The following MMAB variants were observed in gnomAD, a reference collection of about 807,000 sequenced individuals.
MMAB encodes the protein metabolism of cobalamin associated B.
In MMAB, 17 loss-of-function variants were observed where a neutral mutation model predicts 30.6. The ratio of observed to expected loss-of-function variants is 0.56; its 90% confidence interval spans 0.38 to 0.83. The LOEUF (loss-of-function observed/expected upper bound fraction) is 0.83, where lower values mean the gene tolerates loss of function less well. Among genes scored for constraint, MMAB ranks in the 40% least tolerant of loss-of-function variants. The pLI, the probability that MMAB is intolerant of heterozygous loss-of-function variation, is 0.00. For synonymous variants in MMAB, 134 were observed against 138.6 expected, an observed-to-expected ratio of 0.97 and a Z score of 0.23; for missense variants, 311 against 331.6, an observed-to-expected ratio of 0.94 and a Z score of 0.48.
In MMAB at chr12:109,556,347, A is replaced by G. The variant is rs1301873855; in HGVS notation, c.*681T>C. 2.2e-6 allele frequency: 1 copy of G among 453,814 alleles called. No homozygotes were observed. The highest frequency in any genetic ancestry group is 4.4e-6 in the Non-Finnish European group (1 of 226,664). The allele number at this position is 453,814 out of a possible 1,614,324, so 28.1% of individuals were successfully genotyped here. ...ACCTTCAAGTGGTAGTGTTGTTCTC[A>G]TCAGCATCTCCATCCCTTTCAGAGG... On this transcript the variant is annotated 3_prime_UTR_variant, in exon 9 of 9. Transcript: ENST00000545712.
At chr12:109,563,589 C>T (rs1333332420) in intron 4 of MMAB, among the ~76,000 whole-genome samples, 1 of 152,230 alleles carries the variant, frequency 6.6e-6, no homozygotes, top group Admixed American at 6.5e-5. Flanking sequence ...GTGCCTAACC[C>T]AGCTGGAGAT....
rs1884185024 is a variant in MMAB at position 109,561,191 on chromosome 12, C to G, written c.520-87G>C. The G allele has an allele frequency of 1.3e-6, 2 of 1,595,956 alleles. No homozygotes were observed. The highest frequency in any genetic ancestry group is 1.7e-6 in the Non-Finnish European group (2 of 1,176,694). On this transcript the variant is annotated intron_variant, in intron 6 of 8. Coordinates refer to ENST00000545712, the MANE Select transcript of MMAB (RefSeq NM_052845.4). This position sits in a 1 kb window ranked among gnomAD's most constrained non-coding sequence, Gnocchi z 5.3. ...AGCTCCTCTGAAGTCCAGCCCTGCCCCCCAAACCGGGCAGTGTTCTGCCTC... is the reference window on the plus strand; with the variant it reads ...AGCTCCTCTGAAGTCCAGCCCTGCCGCCCAAACCGGGCAGTGTTCTGCCTC...
chr12:109,567,085 G>A (rs574908717), intron 3 of MMAB: 3 of 454,866 alleles, frequency 6.6e-6, no homozygotes, highest in African/African-American at 2.0e-5. Context: ...GAGGAGACTC[G>A]CTTGAACCCG....
intron 1 of MMAB, 117 bp from the exon 2 acceptor site, chr12:109,571,827 C>T: frequency 1.3e-6 from 1 of 797,270 alleles, no homozygotes; most frequent in African/African-American, 1.7e-5. Flanking sequence ...TTACCCCTTA[C>T]TGCTTAGATG....
rs34507867 is a variant in MMAB, at chr12:109,555,449, ATTTTTTT to A, written c.*1572_*1578del. 7.2e-5 allele frequency: 23 copies of A among 318,526 alleles called. No homozygotes were observed. Among genetic ancestry groups the A allele is most frequent in the African/African-American group, 1.2e-4 (4 of 33,024 alleles). 19.7% of individuals were successfully genotyped at this position (318,526 alleles called of 1,614,324 possible). ...AGGCACCCGCCACCATGCCCAGCTA[ATTTTTTT>A]TTTTTTTTTTTTTTTTTAGCAGAAA... On this transcript the variant is annotated 3_prime_UTR_variant, in exon 9 of 9. Transcript: ENST00000545712.
intron 7 of MMAB, 66 bp downstream of exon 7, chr12:109,560,974 C>G: frequency 3.8e-6 from 2 of 522,056 alleles, no homozygotes; most frequent in Non-Finnish European, 3.6e-6. Context: ...TCTCCCTCTC[C>G]CTCCCCCCTC....
chr12:109,564,647 C>T (rs939322510), intron 4 of MMAB, among the ~76,000 whole-genome samples: 1 of 151,710 alleles, frequency 6.6e-6, no homozygotes, highest in Non-Finnish European at 1.5e-5. Flanking sequence ...CCACCTTGGC[C>T]GCCCAAAGTG....
intron 3 of MMAB, among the ~76,000 whole-genome samples, chr12:109,565,655 T>G (rs1251378196): frequency 1.3e-5 from 2 of 152,212 alleles, no homozygotes; most frequent in Non-Finnish European, 2.9e-5. Context: ...GAGCGTGATA[T>G]TCAGGAGTGT....
rs1884210904 is a variant in MMAB at position 109,561,670 on chromosome 12, C to G, written c.421+110G>C. The G allele has an allele frequency of 8.0e-7, 1 of 1,249,492 alleles. No homozygotes were observed. Among genetic ancestry groups the G allele is most frequent in the Non-Finnish European group, 1.1e-6 (1 of 876,304 alleles). The allele number at this position is 1,249,492 out of a possible 1,614,324, so 77.4% of individuals were successfully genotyped here. A position where few individuals can be genotyped will look rare whatever the true frequency, so the allele number is the denominator to read the frequency against. ...TCCCTCCCAGGAGCTACGAGCAAGG[C>G]TAACTGACCCACCCGTGGGTCCCTG... On this transcript the variant is annotated intron_variant, in intron 5 of 8. Transcript: ENST00000545712. This position sits in a 1 kb window ranked among gnomAD's most constrained non-coding sequence, Gnocchi z 5.3.
intron 8 of MMAB, among the ~76,000 whole-genome samples, chr12:109,557,387 G>T (rs1055783740): frequency 6.6e-6 from 1 of 152,198 alleles, no homozygotes; most frequent in Admixed American, 6.5e-5. Context: ...CCATTGCCCC[G>T]GCCCTACCCC....
At position 109,554,965 on chromosome 12, in the gene MMAB, G is replaced by A. The variant is rs1455837011; in HGVS notation, c.*2063C>T. On this transcript the variant is annotated 3_prime_UTR_variant, in exon 9 of 9. Coordinates refer to ENST00000545712, the MANE Select transcript of MMAB (RefSeq NM_052845.4). Reference sequence around the variant, plus strand: ...CCGGGAGACAGATACAGAGGCGGGGGTCTGAGAACGCGACTGTTAACATCC... The same window carrying A: ...CCGGGAGACAGATACAGAGGCGGGGATCTGAGAACGCGACTGTTAACATCC... 1 of 454,138 alleles carries A rather than the reference G, an allele frequency of 2.2e-6. No homozygotes were observed. Among genetic ancestry groups the A allele is most frequent in the Non-Finnish European group, 4.4e-6 (1 of 226,804 alleles). 28.1% of individuals were successfully genotyped at this position (454,138 alleles called of 1,614,324 possible).
Position 109,565,164 on chromosome 12 carries a change from T to C in MMAB, c.303A>G (p.Glu101=). ...ATGTATGGCCCTTTTCTGTGACTAA[T>C]TCCAGAGCAAACCTATGAAGAAAAA... ...ELSSAIGFAL[E]LVTEKGHTFA... Residue 101 remains glutamate, a synonymous_variant, in exon 4 of 9, where the codon GAA becomes GAG. Coordinates refer to ENST00000545712, the MANE Select transcript of MMAB (RefSeq NM_052845.4). 1 of 1,613,892 alleles carries C rather than the reference T, an allele frequency of 6.2e-7. No individual in the cohort carries two copies. Among genetic ancestry groups the C allele is most frequent in the African/African-American group, 1.3e-5 (1 of 75,028 alleles).
intron 4 of MMAB, among the ~76,000 whole-genome samples, chr12:109,564,072 T>C (rs1188003428): frequency 1.3e-5 from 2 of 152,250 alleles, no homozygotes; most frequent in East Asian, 3.9e-4. Context: ...TCCCTCTGCA[T>C]CGGGCATGAG....
intron 7 of MMAB, 133 bp downstream of exon 7, chr12:109,560,907 A>C (rs1592997409): frequency 2.3e-5 from 20 of 852,602 alleles, no homozygotes; most frequent in East Asian, 5.3e-5. Flanking sequence ...GCCCTGCTGT[A>C]CCTGCCTCCT....
At position 109,558,664 on chromosome 12, in the gene MMAB, C is replaced by T. The variant is rs956056220; in HGVS notation, c.644+432G>A. ...GGGGTCCCCTGAGCGCAGCTTGGCCCGGCTCTCTTGTTGGTTCATGCTGCC... is the reference window on the plus strand; with the variant it reads ...GGGGTCCCCTGAGCGCAGCTTGGCCTGGCTCTCTTGTTGGTTCATGCTGCC... On this transcript the variant is annotated intron_variant, in intron 8 of 8. Transcript: ENST00000545712. This position sits in a 1 kb window ranked among gnomAD's most constrained non-coding sequence, Gnocchi z 4.3. Among the ~76,000 whole-genome samples, 8 of 151,980 alleles carry T rather than the reference C, an allele frequency of 5.3e-5. No homozygotes were observed. The highest frequency in any genetic ancestry group is 2.1e-4 in the South Asian group (1 of 4,816).
Position 109,565,201 on chromosome 12 carries a change from T to G in MMAB, c.291-25A>C, listed in dbSNP as rs539750490. On this transcript the variant is annotated intron_variant, in intron 3 of 8. Coordinates refer to ENST00000545712, the MANE Select transcript of MMAB (RefSeq NM_052845.4). ...CCTATGAAGAAAAAGGAAAAAGAAT[T>G]TGCCTGTAATGTAATGTCCCTAGGC... The G allele has an allele frequency of 3.1e-6, 5 of 1,591,136 alleles. No homozygotes were observed. In the Admixed American group the frequency reaches 8.3e-5, roughly 27 times the overall value.
chr12:109,569,224 G>A lies in MMAB; in HGVS notation c.197-361C>T, dbSNP rs1884549803. ...AGCCTCCCAAAGTGCTGAGATTACA[G>A]GCATGAGCCACCGTACCACCCCTTA... On this transcript the variant is annotated intron_variant, in intron 2 of 8. Transcript: ENST00000545712. The surrounding 1 kb of genome is among the most constrained non-coding windows in gnomAD (Gnocchi z 4.1). Among the ~76,000 whole-genome samples, 1 of 152,138 alleles carries A rather than the reference G, an allele frequency of 6.6e-6. No homozygotes were observed. The highest frequency in any genetic ancestry group is 2.4e-5 in the African/African-American group (1 of 41,436).
chr12:109,557,248 G>A, intron 8 of MMAB, 112 bp from the exon 9 acceptor site: 1 of 794,644 alleles, frequency 1.3e-6, no homozygotes, highest in South Asian at 1.4e-5. Flanking sequence ...ACGCACTCTG[G>A]GCACATTGTG....
chr12:109,560,205 G>C (rs1884143944), intron 7 of MMAB, among the ~76,000 whole-genome samples: 1 of 152,214 alleles, frequency 6.6e-6, no homozygotes, highest in Non-Finnish European at 1.5e-5. Context: ...AACCTTAGTG[G>C]TGTGGGACCG....
Sources: gnomAD v4.1 joint callset for allele counts (sites outside exome capture counted in the v4.1 genomes callset) on GRCh38, gnomAD v4.1.1 for gene constraint, Gnocchi (gnomAD v3.1) non-coding constraint, MANE v1.5 for transcripts, NCBI Gene and HGNC (gene_info 2026-07-23, HGNC 2026-07-21) for gene names.